MIEF1: variants seen among roughly 807,000 people sequenced by gnomAD.
The protein encoded by MIEF1 is mitochondrial dynamics protein MIEF1.
Under a neutral mutation model 35.1 loss-of-function variants are expected in MIEF1, and 14 were observed. The observed-to-expected ratio is 0.40, with a 90% CI of 0.26 to 0.62. MIEF1 has a LOEUF of 0.62. MIEF1 is among the 20% of genes least tolerant of loss of function. The probability of loss-of-function intolerance (pLI) is 0.43; values close to 1 mark genes in which losing one functional copy is unlikely to be tolerated. For synonymous variants in MIEF1, 245 were observed against 254.3 expected (o/e 0.96, Z 0.35); for missense variants, 542 against 615.4 (o/e 0.88, Z 1.26).
At chr22:39,502,986 C>T (rs1929825672) in intron 1 of MIEF1, 1 of 152,196 alleles carries the variant, frequency 6.6e-6, no homozygotes, top group Non-Finnish European at 1.5e-5. Flanking sequence ...AATACTTCCC[C>T]CACTTGGTGT....
At chr22:39,506,628 G>A (rs1930030364) in intron 2 of MIEF1, among the ~76,000 whole-genome samples, 1 of 152,176 alleles carries the variant, frequency 6.6e-6, no homozygotes, top group Non-Finnish European at 1.5e-5. Flanking sequence ...AAAGGCCTAT[G>A]GCTTTTTCAA....
In MIEF1 at chr22:39,514,451, A is replaced by C. The variant is rs1301459156; in HGVS notation, c.*128A>C. ...TGTCTTGCTGATCATCACCCTGGTC[A>C]CTTCATGCTGATTAGAATGACATCT... On this transcript the variant is annotated 3_prime_UTR_variant, in exon 6 of 6. Transcript: ENST00000325301. 2.4e-6 allele frequency: 2 copies of C among 831,952 alleles called. No homozygotes were observed. Among genetic ancestry groups the C allele is most frequent in the African/African-American group, 3.4e-5 (2 of 58,494 alleles). 51.5% of individuals were successfully genotyped at this position (831,952 alleles called of 1,614,324 possible).
At chr22:39,509,578 A>G (rs1053398229) in intron 2 of MIEF1, 9 of 152,242 alleles carry the variant, frequency 5.9e-5, no homozygotes, top group South Asian at 2.1e-4. Flanking sequence ...TCAGGTGAAC[A>G]CATTTTTAGT....
In MIEF1 at chr22:39,504,357, C is replaced by T; in HGVS notation, c.-185C>T. 1 of 399,070 alleles carries T rather than the reference C, an allele frequency of 2.5e-6. No individual in the cohort carries two copies. Among genetic ancestry groups the T allele is most frequent in the Non-Finnish European group, 4.4e-6 (1 of 226,098 alleles). The allele number at this position is 399,070 out of a possible 1,614,324, so 24.7% of individuals were successfully genotyped here. A position where few individuals can be genotyped will look rare whatever the true frequency, so the allele number is the denominator to read the frequency against. ...CATCCGCCGTGAATTCCGAAAAAAT[C>T]AGAAGCTAGAGGACGCTGAGGCCCG... On this transcript the variant is annotated 5_prime_UTR_variant, in exon 2 of 6. An upstream open reading frame in the 5' UTR gains an earlier in-frame stop. Transcript: ENST00000325301.
chr22:39,511,637 G>A (rs1930345463), intron 3 of MIEF1, among the ~76,000 whole-genome samples, 199 bp downstream of exon 3: 1 of 152,206 alleles, frequency 6.6e-6, no homozygotes, highest in African/African-American at 2.4e-5. Context: ...ATTACAAACA[G>A]TTTTCTCTGG....
intron 2 of MIEF1, chr22:39,509,275 C>T (rs1930214494): frequency 6.6e-6 from 1 of 152,268 alleles, no homozygotes; most frequent in Non-Finnish European, 1.5e-5. Context: ...TTGATGTCCT[C>T]CCATTCTGGG....
At chr22:39,511,478 G>T in intron 3 of MIEF1, 40 bp downstream of exon 3, 2 of 1,509,350 alleles carry the variant, frequency 1.3e-6, no homozygotes, top group Non-Finnish European at 1.8e-6. Context: ...GAATGTAGTG[G>T]TATGGTCATA....
In MIEF1 at chr22:39,512,339, C is replaced by G; in HGVS notation, c.430C>G (p.Arg144Gly). The G allele has an allele frequency of 6.2e-7, 1 of 1,614,262 alleles. No individual in the cohort carries two copies. The highest frequency in any genetic ancestry group is 8.5e-7 in the Non-Finnish European group (1 of 1,180,056). ...GCAGGAGAAACTTCTTACTTACTAC[C>G]GGAACCGGGCAGCCATCCCTGCTGG... ...SLQEKLLTYY[R>G]NRAAIPAGEQ... Residue 144 changes from arginine to glycine, a missense_variant, in exon 5 of 6, where the codon CGG becomes GGG. By Grantham distance (125) the Arg-to-Gly change is moderately radical (BLOSUM62 -2). Coordinates refer to ENST00000325301, the MANE Select transcript of MIEF1 (RefSeq NM_019008.6).
chr22:39,504,564 C>T, intron 2 of MIEF1, 30 bp downstream of exon 2: 1 of 397,174 alleles, frequency 2.5e-6, no homozygotes, highest in East Asian at 3.6e-5. Context: ...TGTAGGTTTC[C>T]TTATTTTTTG....
rs1930391378 is a variant in MIEF1, at chr22:39,512,354, A to C, written c.445A>C (p.Ile149Leu). The change falls in exon 5 of 6, where the codon ATC becomes CTC. Residue 149 changes from isoleucine to leucine, a missense_variant. Ile to Leu is a conservative substitution (Grantham distance 5). Transcript: ENST00000325301. ...LLTYYRNRAA[I>L]PAGEQARAKQ... is the part of the protein sequence containing the mutation. ...TACTTACTACCGGAACCGGGCAGCC[A>C]TCCCTGCTGGAGAGCAGGCTCGGGC... is the stretch of plus-strand genomic sequence containing the variant. 1.9e-6 allele frequency: 3 copies of C among 1,614,130 alleles called. No individual in the cohort carries two copies. In the South Asian group the frequency reaches 3.3e-5, roughly 18 times the overall value.
intron 5 of MIEF1, among the ~76,000 whole-genome samples, chr22:39,513,168 T>G (rs1362682166): frequency 2.0e-5 from 3 of 151,720 alleles, no homozygotes; most frequent in Non-Finnish European, 2.9e-5. Flanking sequence ...TGGCACGATC[T>G]TGGCTCACTG....
rs1235943987 is a variant in MIEF1 at position 39,504,442 on chromosome 22, A to G, written c.-100A>G. On this transcript the variant is annotated 5_prime_UTR_variant, in exon 2 of 6. An upstream open reading frame in the 5' UTR loses its in-frame stop. Coordinates refer to ENST00000325301, the MANE Select transcript of MIEF1 (RefSeq NM_019008.6). The stretch of plus-strand genomic sequence containing the variant: ...AACGGCAAATTGGGGAGGATCATTT[A>G]GGATCCTCCAAGGGAAAGAGGACAA... 3.5e-5 allele frequency: 14 copies of G among 398,974 alleles called. No homozygotes were observed. Among genetic ancestry groups the G allele is most frequent in the Non-Finnish European group, 5.8e-5 (13 of 226,084 alleles). The allele number at this position is 398,974 out of a possible 1,614,324, so 24.7% of individuals were successfully genotyped here. A position where few individuals can be genotyped will look rare whatever the true frequency, so the allele number is the denominator to read the frequency against.
chr22:39,509,038 C>T (rs1455904240), intron 2 of MIEF1, among the ~76,000 whole-genome samples: 1 of 151,934 alleles, frequency 6.6e-6, no homozygotes, highest in Admixed American at 6.6e-5. Flanking sequence ...GCTCTGTCAC[C>T]CAGGCTGGAG....
intron 2 of MIEF1, among the ~76,000 whole-genome samples, chr22:39,504,873 G>A (rs926706494): frequency 1.3e-5 from 2 of 152,164 alleles, no homozygotes; most frequent in African/African-American, 4.8e-5. Context: ...GCAAATGCCT[G>A]GAGTGGGAAC....
At chr22:39,512,638 C>T (rs376955396) in intron 5 of MIEF1, 144 bp downstream of exon 5, 1 of 1,122,480 alleles carries the variant, frequency 8.9e-7, no homozygotes, top group Non-Finnish European at 1.2e-6. Flanking sequence ...ATTTGGAGAT[C>T]CATGCTTGTT....
At chr22:39,512,197 C>T (rs774610558) in intron 4 of MIEF1, 35 bp from the exon 5 acceptor site, 1 of 1,599,252 alleles carries the variant, frequency 6.3e-7, no homozygotes, top group Non-Finnish European at 8.5e-7. Flanking sequence ...CAGGCATGGG[C>T]AGAGCTCACG....
intron 5 of MIEF1, 65 bp downstream of exon 5, chr22:39,512,559 G>A: frequency 6.5e-7 from 1 of 1,538,220 alleles, no homozygotes; most frequent in Admixed American, 1.8e-5. Context: ...TGTTGGCACA[G>A]ATCAGTGTCC....
chr22:39,506,933 G>A (rs1042657492), intron 2 of MIEF1, among the ~76,000 whole-genome samples: 1 of 152,140 alleles, frequency 6.6e-6, no homozygotes, highest in East Asian at 1.9e-4. Context: ...GGGTAACAGA[G>A]CCCCAGAACC....
chr22:39,513,267 A>AT (rs1930460266), intron 5 of MIEF1, among the ~76,000 whole-genome samples: 2 of 151,860 alleles, frequency 1.3e-5, no homozygotes, highest in Admixed American at 6.6e-5. Flanking sequence ...TGCCTGGCTA[A>AT]TTTTTTTGTA....
Sources: gnomAD v4.1 joint callset for allele counts (sites outside exome capture counted in the v4.1 genomes callset) on GRCh38, gnomAD v4.1.1 for gene constraint, MANE v1.5 for transcripts, NCBI Gene and HGNC (gene_info 2026-07-23, HGNC 2026-07-21) for gene names.